NHSL1: variants seen among roughly 807,000 people sequenced by gnomAD.
NHSL1 encodes NHS like 1, also known as NHS-like protein 1.
In NHSL1, 48 loss-of-function variants were observed where a neutral mutation model predicts 95.0. The ratio of observed to expected loss-of-function variants is 0.51; its 90% CI spans 0.40 to 0.64. The LOEUF (loss-of-function observed/expected upper bound fraction) is 0.64, where lower values mean the gene tolerates loss of function less well. Among genes scored for constraint, NHSL1 ranks in the 30% least tolerant of loss-of-function variants. The probability of loss-of-function intolerance (pLI) is 0.00; values close to 1 mark genes in which losing one functional copy is unlikely to be tolerated. For missense variants in NHSL1, 1,971 were observed against 2,077.7 expected (o/e 0.95, Z 1.00); for synonymous variants, 783 against 833.9 (o/e 0.94, Z 1.05).
chr6:138,568,666 T>C (rs1783708947), intron 1 of NHSL1, among the ~76,000 whole-genome samples: 1 of 152,212 alleles, frequency 6.6e-6, no homozygotes, highest in South Asian at 2.1e-4. Context: ...AAAGAAAACA[T>C]ACAGATGCTT....
At chr6:138,468,008 A>G (rs539855463) in intron 3 of NHSL1, among the ~76,000 whole-genome samples, 8 of 152,176 alleles carry the variant, frequency 5.3e-5, no homozygotes, top group Non-Finnish European at 7.3e-5. Context: ...TTGGCCTCTC[A>G]GAGTGCTGGG....
At chr6:138,521,061 C>T (rs557539860) in intron 1 of NHSL1, among the ~76,000 whole-genome samples, 1 of 152,146 alleles carries the variant, frequency 6.6e-6, no homozygotes, top group Non-Finnish European at 1.5e-5. Context: ...CCACAGTATT[C>T]CAGATAAACT....
chr6:138,621,472 A>ATT (rs35502435), intron 1 of NHSL1, among the ~76,000 whole-genome samples: 9 of 148,908 alleles, frequency 6.0e-5, no homozygotes, highest in South Asian at 4.3e-4. Flanking sequence ...AGTATCATTG[A>ATT]TTTTTTTTTT....
At chr6:138,521,168 C>T (rs924771884) in intron 1 of NHSL1, among the ~76,000 whole-genome samples, 1 of 152,180 alleles carries the variant, frequency 6.6e-6, no homozygotes, top group African/African-American at 2.4e-5. Context: ...GTATTCGTTT[C>T]AAAACAGCTT....
At position 138,441,865 on chromosome 6, in the gene NHSL1, G is replaced by A. The variant is rs551260957; in HGVS notation, c.664+118C>T. 5.3e-5 allele frequency: 50 copies of A among 949,486 alleles called. 1 individual carries two copies. The highest frequency in any genetic ancestry group is 5.1e-4 in the South Asian group (21 of 41,164). The allele number at this position is 949,486 out of a possible 1,614,324, so 58.8% of individuals were successfully genotyped here. The stretch of plus-strand genomic sequence containing the variant: ...CCTCATTCAGGAAGGAAGCTGGCCC[G>A]TTGGGGCACCAAACGGCTATCAGAA... On this transcript the variant is annotated intron_variant, in intron 5 of 7. Transcript: ENST00000343505.
At chr6:138,598,497 T>C (rs934154702) in intron 1 of NHSL1, among the ~76,000 whole-genome samples, 11 of 151,250 alleles carry the variant, frequency 7.3e-5, no homozygotes, top group Non-Finnish European at 1.3e-4. Flanking sequence ...GGTGCACACC[T>C]GTAGCCCCAG....
At chr6:138,670,665 CAAAAAAAAA>C in intron 1 of NHSL1, among the ~76,000 whole-genome samples, 1 of 69,362 alleles carries the variant, frequency 1.4e-5, no homozygotes, top group South Asian at 5.4e-4. Flanking sequence ...GACTCCGTCT[CAAAAAAAAA>C]AAAAAAAAAA....
At chr6:138,643,706 T>C (rs1479890021) in intron 1 of NHSL1, among the ~76,000 whole-genome samples, 2 of 152,146 alleles carry the variant, frequency 1.3e-5, no homozygotes, top group African/African-American at 4.8e-5. Flanking sequence ...ATTTACACTT[T>C]CAATAAAAGT....
Position 138,587,503 on chromosome 6 carries a change from C to CAA in NHSL1, c.97-91134_97-91133dup, listed in dbSNP as rs35723995. Among the ~76,000 whole-genome samples, 292 of 59,808 alleles carry CAA rather than the reference C, an allele frequency of 4.9e-3. 2 individuals are homozygous for CAA. The highest frequency in any genetic ancestry group is 0.02 in the East Asian group (39 of 1,978). The allele number at this position is 59,808 out of a possible 152,430, so 39.2% of individuals were successfully genotyped here. ...GAGGGCATCAAGAGCAAAACTCTGT[C>CAA]AAAAAAAAAAAAAAAAAAAAGCCTT... On this transcript the variant is annotated intron_variant, in intron 1 of 3. Coordinates refer to the NHSL1 transcript ENST00000491526.
At chr6:138,469,560 C>CA (rs898885538) in intron 3 of NHSL1, among the ~76,000 whole-genome samples, 47 of 151,936 alleles carry the variant, frequency 3.1e-4, no homozygotes, top group African/African-American at 1.0e-3. Flanking sequence ...CCCATCTCTA[C>CA]AAAAAAATAC....
At chr6:138,463,591 G>A (rs1218162762) in intron 3 of NHSL1, among the ~76,000 whole-genome samples, 1 of 150,880 alleles carries the variant, frequency 6.6e-6, no homozygotes, top group Non-Finnish European at 1.5e-5. Flanking sequence ...TTGTTACATA[G>A]GTATACATGT....
chr6:138,629,424 C>T (rs957081066), intron 1 of NHSL1, among the ~76,000 whole-genome samples: 2 of 151,366 alleles, frequency 1.3e-5, no homozygotes, highest in Non-Finnish European at 2.9e-5. Flanking sequence ...CTCTTGTTGC[C>T]CAGGCTGGAG....
chr6:138,498,133 C>A (rs1000046899), intron 1 of NHSL1, among the ~76,000 whole-genome samples: 1 of 152,210 alleles, frequency 6.6e-6, no homozygotes, highest in African/African-American at 2.4e-5. Context: ...TATGTCCCCC[C>A]AAAGTGTAGC....
intron 1 of NHSL1, among the ~76,000 whole-genome samples, chr6:138,578,075 A>C (rs1783998170): frequency 6.6e-6 from 1 of 152,214 alleles, no homozygotes; most frequent in Admixed American, 6.5e-5. Context: ...AAAACTTAAA[A>C]GAAGGAAAAG....
At position 138,437,294 on chromosome 6, in the gene NHSL1, A is replaced by ATG. The variant is rs1281466884; in HGVS notation, c.665-3616_665-3615dup. On this transcript the variant is annotated intron_variant, in intron 5 of 7. Transcript: ENST00000343505. ...TGTCTCAAAAAAAAAAAATACACAAATGTATATATATATATATATATATAT... is the reference window on the plus strand; with the variant it reads ...TGTCTCAAAAAAAAAAAATACACAAATGTGTATATATATATATATATATATAT... Among the ~76,000 whole-genome samples, 167 of 79,668 alleles carry ATG rather than the reference A, an allele frequency of 2.1e-3. 4 individuals are homozygous for ATG. Among genetic ancestry groups the ATG allele is most frequent in the African/African-American group, 8.2e-3 (156 of 18,978 alleles). The allele number at this position is 79,668 out of a possible 152,430, so 52.3% of individuals were successfully genotyped here.
rs34252384 is a variant in NHSL1 at position 138,598,125 on chromosome 6, A to G, written c.96+94351T>C. On this transcript the variant is annotated intron_variant, in intron 1 of 3. Coordinates refer to the NHSL1 transcript ENST00000491526. ...GACCAGCTCAGGCAACATCTCTACAAATAATTGTAGAGATACCCCATCTCT... is the reference window on the plus strand; with the variant it reads ...GACCAGCTCAGGCAACATCTCTACAGATAATTGTAGAGATACCCCATCTCT... Among the ~76,000 whole-genome samples the G allele has an allele frequency of 7.9e-5, 12 of 151,568 alleles. No homozygotes were observed. In the East Asian group the frequency reaches 2.3e-3, roughly 29 times the overall value.
At chr6:138,535,173 T>A (rs1782285737) in intron 1 of NHSL1, among the ~76,000 whole-genome samples, 1 of 152,032 alleles carries the variant, frequency 6.6e-6, no homozygotes, top group African/African-American at 2.4e-5. Context: ...GCCAAGCAGG[T>A]AGCAGTTTAG....
Position 138,430,281 on chromosome 6 carries a change from G to A in NHSL1, c.3952+112C>T. ...AGCCTACATACTGCTAGCTTTAACA[G>A]GAATCTGATCTACCTGGGTTCTTTC... is the stretch of plus-strand genomic sequence containing the variant. On this transcript the variant is annotated intron_variant, in intron 6 of 7. Transcript: ENST00000343505. This position sits in a 1 kb window ranked among gnomAD's most constrained non-coding sequence, Gnocchi z 4.7. The A allele has an allele frequency of 7.4e-7, 1 of 1,346,478 alleles. No homozygotes were observed. 83.4% of individuals were successfully genotyped at this position (1,346,478 alleles called of 1,614,324 possible).
intron 3 of NHSL1, among the ~76,000 whole-genome samples, chr6:138,463,013 A>G (rs1271985356): frequency 6.6e-6 from 1 of 152,202 alleles, no homozygotes. Flanking sequence ...ATGAGATTCT[A>G]GAGAGACCAA....
Sources: gnomAD v4.1 joint callset for allele counts (sites outside exome capture counted in the v4.1 genomes callset) on GRCh38, gnomAD v4.1.1 for gene constraint, Gnocchi (gnomAD v3.1) non-coding constraint, MANE v1.5 for transcripts, NCBI Gene and HGNC (gene_info 2026-07-23, HGNC 2026-07-21) for gene names.